PARD3: variants seen among roughly 807,000 people sequenced by gnomAD.
PARD3 encodes partitioning defective 3 homolog.
A neutral mutation model predicts 155.4 loss-of-function variants in PARD3; 75 were observed. The ratio of observed to expected loss-of-function variants is 0.48; its 90% CI spans 0.40 to 0.58. The LOEUF is 0.58. PARD3 is among the 20% of genes least tolerant of loss of function. The pLI, the probability that PARD3 is intolerant of heterozygous loss-of-function variation, is 0.00. For missense variants in PARD3, 1,642 were observed against 1,721.7 expected, an observed-to-expected ratio of 0.95 and a Z score of 0.82; for synonymous variants, 576 against 610.5, an observed-to-expected ratio of 0.94 and a Z score of 0.83.
intron 2 of PARD3, among the ~76,000 whole-genome samples, chr10:34,532,237 A>AT (rs2082910166): frequency 6.6e-6 from 1 of 152,158 alleles, no homozygotes; most frequent in Non-Finnish European, 1.5e-5. Context: ...CATGACATAT[A>AT]TTTTTAAATT....
intron 8 of PARD3, among the ~76,000 whole-genome samples, chr10:34,383,897 G>T (rs559496160): frequency 6.6e-6 from 1 of 152,290 alleles, no homozygotes; most frequent in South Asian, 2.1e-4. Context: ...TTGTAAAGTT[G>T]AAATGGGGGC....
chr10:34,761,209 G>C (rs968601903), intron 1 of PARD3, among the ~76,000 whole-genome samples: 2 of 152,092 alleles, frequency 1.3e-5, no homozygotes, highest in Admixed American at 1.3e-4. Context: ...TCAGGAGTTT[G>C]AGACCAGCCT....
intron 1 of PARD3, among the ~76,000 whole-genome samples, chr10:34,745,916 C>T (rs1260424956): frequency 1.3e-5 from 2 of 151,990 alleles, no homozygotes; most frequent in African/African-American, 2.4e-5. Flanking sequence ...CTGGCTAACA[C>T]GGTGAAACCC....
At chr10:34,710,247 T>TTA (rs1248963696) in intron 1 of PARD3, among the ~76,000 whole-genome samples, 1 of 152,224 alleles carries the variant, frequency 6.6e-6, no homozygotes, top group Non-Finnish European at 1.5e-5. Context: ...TCACCGACTG[T>TTA]TACATAAGAC....
intron 2 of PARD3, among the ~76,000 whole-genome samples, chr10:34,588,678 C>T (rs999243947): frequency 2.6e-5 from 4 of 152,182 alleles, no homozygotes; most frequent in African/African-American, 9.6e-5. Flanking sequence ...GTCTCACTTT[C>T]TCTTGCTGCA....
intron 1 of PARD3, among the ~76,000 whole-genome samples, chr10:34,797,636 A>AC (rs1294461389): frequency 6.6e-6 from 1 of 152,192 alleles, no homozygotes; most frequent in Admixed American, 6.5e-5. Flanking sequence ...TCTCTGCTTT[A>AC]CCCAAAACCA....
intron 3 of PARD3, among the ~76,000 whole-genome samples, chr10:34,478,325 C>T (rs895730395): frequency 3.9e-5 from 6 of 152,172 alleles, no homozygotes; most frequent in Non-Finnish European, 8.8e-5. Context: ...ATTGGGAGTA[C>T]TTGGTAATTG....
At chr10:34,335,327 A>T (rs1429791741) in intron 18 of PARD3, among the ~76,000 whole-genome samples, 1 of 152,014 alleles carries the variant, frequency 6.6e-6, no homozygotes, top group Non-Finnish European at 1.5e-5. Context: ...TAAGCAGCTA[A>T]AACTAATTTA....
intron 22 of PARD3, among the ~76,000 whole-genome samples, chr10:34,211,893 C>T (rs1030735580): frequency 1.3e-5 from 2 of 152,090 alleles, no homozygotes; most frequent in Non-Finnish European, 2.9e-5. Flanking sequence ...CAGGGTTATC[C>T]CAAAGATCTT....
chr10:34,700,274 G>C (rs2094250349), intron 1 of PARD3, among the ~76,000 whole-genome samples: 1 of 152,130 alleles, frequency 6.6e-6, no homozygotes, highest in African/African-American at 2.4e-5. Flanking sequence ...ACCTTGCCTA[G>C]TGCTAGACAA....
At chr10:34,511,330 G>T (rs2081385519) in intron 3 of PARD3, among the ~76,000 whole-genome samples, 1 of 152,110 alleles carries the variant, frequency 6.6e-6, no homozygotes, top group African/African-American at 2.4e-5. Flanking sequence ...GTCTCTCCTT[G>T]ATTATTATTT....
At chr10:34,235,138 C>A (rs1953148046) in intron 22 of PARD3, among the ~76,000 whole-genome samples, 1 of 152,152 alleles carries the variant, frequency 6.6e-6, no homozygotes. Context: ...TTAGTTAGGT[C>A]TTTCTCCTGC....
At chr10:34,602,574 T>C (rs1203227352) in intron 2 of PARD3, among the ~76,000 whole-genome samples, 1 of 152,044 alleles carries the variant, frequency 6.6e-6, no homozygotes. Context: ...TGTGGAAAAA[T>C]CATACGACAA....
intron 5 of PARD3, among the ~76,000 whole-genome samples, chr10:34,441,603 A>G (rs2076465204): frequency 6.6e-6 from 1 of 152,156 alleles, no homozygotes; most frequent in Non-Finnish European, 1.5e-5. Context: ...CCTGCACATG[A>G]CTGGAAGCTC....
intron 1 of PARD3, among the ~76,000 whole-genome samples, chr10:34,697,017 C>CAT (rs1177591006): frequency 6.7e-6 from 1 of 148,854 alleles, no homozygotes; most frequent in East Asian, 1.9e-4. Flanking sequence ...CACACACACA[C>CAT]ACATATTAAA....
Position 34,454,969 on chromosome 10 carries a change from T to C in PARD3, c.583-4521A>G, listed in dbSNP as rs115799032. 2.8e-3 allele frequency among the ~76,000 whole-genome samples: 430 copies of C among 152,242 alleles called. 1 individual carries two copies. The highest frequency in any genetic ancestry group is 8.3e-3 in the African/African-American group (345 of 41,540). ...CTTATTACAATTCAGGAAAACTATA[T>C]AGAGCCCACCCAATGCCTTGAGATA... On this transcript the variant is annotated intron_variant, in intron 4 of 24. Coordinates refer to ENST00000374788, the MANE Select transcript of PARD3 (RefSeq NM_001184785.2).
intron 22 of PARD3, among the ~76,000 whole-genome samples, chr10:34,206,382 C>A (rs529735795): frequency 4.6e-5 from 7 of 152,198 alleles, no homozygotes; most frequent in Non-Finnish European, 2.9e-5. Context: ...AGGAAATGGG[C>A]GGCGTTTGCC....
intron 2 of PARD3, among the ~76,000 whole-genome samples, chr10:34,672,184 C>T (rs2093622333): frequency 1.3e-5 from 2 of 152,076 alleles, no homozygotes; most frequent in Admixed American, 1.3e-4. Flanking sequence ...AAAGAATAAC[C>T]TCTCTCCCTT....
intron 5 of PARD3, among the ~76,000 whole-genome samples, chr10:34,432,375 C>CACAG (rs1247071747): frequency 4.3e-5 from 6 of 139,708 alleles, no homozygotes; most frequent in Non-Finnish European, 6.3e-5. Context: ...CACACACACA[C>CACAG]AGAGGAGTAA....
Sources: allele counts gnomAD v4.1 joint callset (sites outside exome capture counted in the v4.1 genomes callset), GRCh38; gene constraint gnomAD v4.1.1; transcripts MANE v1.5; gene names NCBI Gene and HGNC (gene_info 2026-07-23, HGNC 2026-07-21).